The following ANXA7 variants were observed in gnomAD, a reference collection of about 807,000 sequenced individuals.
ANXA7 encodes the protein annexin A7.
ANXA7 carries 55 observed loss-of-function variants against 64.9 expected under a neutral mutation model. The ratio of observed to expected loss-of-function variants is 0.85; its 90% confidence interval spans 0.68 to 1.06. ANXA7 has a LOEUF of 1.06. Among genes scored for constraint, ANXA7 ranks in the 50% least tolerant of loss-of-function variants. ANXA7 has a pLI of 0.00. For synonymous variants in ANXA7, 200 were observed against 192.4 expected (o/e 1.04, Z -0.33); for missense variants, 548 against 582.1 (o/e 0.94, Z 0.60).
At chr10:73,403,499 C>A (rs1302965227) in intron 1 of ANXA7, among the ~76,000 whole-genome samples, 2 of 151,806 alleles carry the variant, frequency 1.3e-5, no homozygotes, top group African/African-American at 2.4e-5. Flanking sequence ...TAAAAAAAAA[C>A]AAAACAACAA....
intron 1 of ANXA7, among the ~76,000 whole-genome samples, chr10:73,403,118 C>T (rs544251533): frequency 6.6e-6 from 1 of 152,164 alleles, no homozygotes; most frequent in Non-Finnish European, 1.5e-5. Flanking sequence ...CCACTGCTCC[C>T]GGCACATACT....
At chr10:73,396,929 C>CT (rs59741712) in intron 4 of ANXA7, among the ~76,000 whole-genome samples, 15,892 of 152,066 alleles carry the variant, frequency 0.1, 1,198 homozygotes, top group East Asian at 0.3. Context: ...TGAAGGCTTC[C>CT]TTTTGGCTTT....
chr10:73,382,988 G>T (rs895676146), intron 9 of ANXA7, among the ~76,000 whole-genome samples, 187 bp downstream of exon 9: 2 of 152,186 alleles, frequency 1.3e-5, no homozygotes, highest in African/African-American at 4.8e-5. Flanking sequence ...ACAAAAGCCA[G>T]ATTTACAGGA....
intron 1 of ANXA7, among the ~76,000 whole-genome samples, chr10:73,408,037 G>C (rs1200657058): frequency 6.6e-6 from 1 of 152,196 alleles, no homozygotes; most frequent in Non-Finnish European, 1.5e-5. Flanking sequence ...TGGTCAGATA[G>C]GCCAGGCGCA....
intron 12 of ANXA7, among the ~76,000 whole-genome samples, chr10:73,376,572 A>T (rs910454966): frequency 2.0e-5 from 3 of 152,254 alleles, no homozygotes; most frequent in African/African-American, 7.2e-5. Flanking sequence ...TGGAAAAGTA[A>T]AAGGGTGCAG....
At chr10:73,407,123 C>T (rs1415870747) in intron 1 of ANXA7, among the ~76,000 whole-genome samples, 2 of 152,164 alleles carry the variant, frequency 1.3e-5, no homozygotes, top group African/African-American at 4.8e-5. Flanking sequence ...GTTGCTCAGG[C>T]TGGAATGCAG....
At chr10:73,390,647 T>C (rs1300699720) in intron 5 of ANXA7, among the ~76,000 whole-genome samples, 1 of 149,248 alleles carries the variant, frequency 6.7e-6, no homozygotes, top group Non-Finnish European at 1.5e-5. Flanking sequence ...TAACCCTCAC[T>C]GTGTACCATT....
intron 8 of ANXA7, 98 bp from the exon 9 acceptor site, chr10:73,383,443 C>A: frequency 1.5e-6 from 2 of 1,316,088 alleles, no homozygotes; most frequent in South Asian, 2.8e-5. Context: ...GAACTAAAAA[C>A]TATATATTCA....
At chr10:73,392,227 A>C (rs531806990) in intron 5 of ANXA7, among the ~76,000 whole-genome samples, 1 of 152,230 alleles carries the variant, frequency 6.6e-6, no homozygotes, top group South Asian at 2.1e-4. Context: ...CAACCAAAAA[A>C]AGTCCAGGAC....
chr10:73,412,681 G>C (rs2132709765), intron 1 of ANXA7, among the ~76,000 whole-genome samples: 1 of 151,676 alleles, frequency 6.6e-6, no homozygotes, highest in South Asian at 2.1e-4. Flanking sequence ...TTTAAGTAGA[G>C]ACGGGGTTTC....
intron 5 of ANXA7, among the ~76,000 whole-genome samples, chr10:73,389,825 A>G (rs1327168671): frequency 6.6e-6 from 1 of 152,004 alleles, no homozygotes; most frequent in African/African-American, 2.4e-5. Context: ...GGGTCTTGCT[A>G]TGTTGCCCAG....
At position 73,390,625 on chromosome 10, in the gene ANXA7, G is replaced by C. The variant is rs1381482432; in HGVS notation, c.436-2211C>G. Among the ~76,000 whole-genome samples the C allele has an allele frequency of 4.0e-5, 6 of 148,838 alleles. No individual in the cohort carries two copies. The East Asian group carries it at 7.8e-4, about 19-fold the overall frequency. On this transcript the variant is annotated intron_variant, in intron 5 of 12. Transcript: ENST00000372921. ...AGAAGCCATTGTTTCTAATACACTG[G>C]AATAGATAAACTAACCCTCACTGTG...
rs1554815533 is a variant in ANXA7, at chr10:73,378,891, A to G, written c.1278+20T>C. The G allele has an allele frequency of 3.2e-6, 5 of 1,582,000 alleles. No individual in the cohort carries two copies. Among genetic ancestry groups the G allele is most frequent in the Non-Finnish European group, 4.3e-6 (5 of 1,151,624 alleles). Reference sequence around the variant, plus strand: ...TGAACATCAAGTAAGACCCGACAAAAAGAGAGAGGCCTGCCTCACCTCACT... The same window carrying G: ...TGAACATCAAGTAAGACCCGACAAAGAGAGAGAGGCCTGCCTCACCTCACT... On this transcript the variant is annotated intron_variant, in intron 12 of 12. Coordinates refer to ENST00000372921, the MANE Select transcript of ANXA7 (RefSeq NM_001156.5).
chr10:73,382,312 C>T (rs1465894962), intron 9 of ANXA7, among the ~76,000 whole-genome samples: 2 of 145,752 alleles, frequency 1.4e-5, no homozygotes, highest in Non-Finnish European at 3.0e-5. Context: ...TCAAATACAC[C>T]TTCATCATCT....
At chr10:73,404,115 A>G (rs2055715585) in intron 1 of ANXA7, among the ~76,000 whole-genome samples, 2 of 152,182 alleles carry the variant, frequency 1.3e-5, no homozygotes, top group Non-Finnish European at 2.9e-5. Flanking sequence ...TACTTTCTCA[A>G]TTTTATTAGA....
At position 73,383,161 on chromosome 10, in the gene ANXA7, C is replaced by T. The variant is rs1022397403; in HGVS notation, c.918+14G>A. 3 of 1,594,540 alleles carry T rather than the reference C, an allele frequency of 1.9e-6. No homozygotes were observed. The highest frequency in any genetic ancestry group is 2.2e-5 in the East Asian group (1 of 44,496). ...TTCCCTCTATCAACGCACAAGCATT[C>T]ATACTATACTCACCTGGCACATGGA... is the stretch of plus-strand genomic sequence containing the variant. On this transcript the variant is annotated intron_variant, in intron 9 of 12. Transcript: ENST00000372921.
At chr10:73,411,560 C>A (rs2055838596) in intron 1 of ANXA7, among the ~76,000 whole-genome samples, 1 of 152,082 alleles carries the variant, frequency 6.6e-6, no homozygotes. Context: ...CCTGTCTCAG[C>A]CTCCCGTGTA....
intron 12 of ANXA7, among the ~76,000 whole-genome samples, chr10:73,378,423 GA>G (rs1403770969): frequency 7.0e-6 from 1 of 143,770 alleles, no homozygotes; most frequent in Non-Finnish European, 1.5e-5. Flanking sequence ...TTTCTTCTGA[GA>G]AAAAAAATTT....
intron 1 of ANXA7, among the ~76,000 whole-genome samples, chr10:73,407,818 G>A (rs2055782253): frequency 6.6e-6 from 1 of 152,154 alleles, no homozygotes; most frequent in Non-Finnish European, 1.5e-5. Context: ...GTGCTGAATT[G>A]AGAATAAACG....
Sources: allele counts gnomAD v4.1 joint callset (sites outside exome capture counted in the v4.1 genomes callset), GRCh38; gene constraint gnomAD v4.1.1; transcripts MANE v1.5; gene names NCBI Gene and HGNC (gene_info 2026-07-23, HGNC 2026-07-21).